Variants in PXN observed in about 807,000 individuals in gnomAD.
The protein encoded by PXN is testicular tissue protein Li 134.
A neutral mutation model predicts 103.6 loss-of-function variants in PXN; 61 were observed. The ratio of observed to expected loss-of-function variants is 0.59; its 90% CI spans 0.48 to 0.73. The LOEUF is 0.73. Ranked by LOEUF, PXN falls within the 30% of genes least tolerant of loss-of-function variation. The probability of loss-of-function intolerance (pLI) is 0.00; values close to 1 mark genes in which losing one functional copy is unlikely to be tolerated. For missense variants in PXN, 1,274 were observed against 1,460.3 expected, an observed-to-expected ratio of 0.87 and a Z score of 2.08; for synonymous variants, 562 against 607.8, an observed-to-expected ratio of 0.92 and a Z score of 1.11.
rs1264044622 is a variant in PXN at position 120,212,509 on chromosome 12, G to A, written c.3051C>T (p.Tyr1017=). 1 of 1,613,952 alleles carries A rather than the reference G, an allele frequency of 6.2e-7. No homozygotes were observed. The highest frequency in any genetic ancestry group is 1.1e-5 in the South Asian group (1 of 91,084). The change falls in exon 15 of 15, where the codon TAC becomes TAT. Residue 1017 remains tyrosine, a synonymous_variant. Transcript: ENST00000637617. The surrounding 1 kb of genome is among the most constrained non-coding windows in gnomAD (Gnocchi z 7.2). ...AACACAGCGAGCCGCGCCGCTCGTG[G>A]TAGTGCACCTCACAGTAGGGCTGCC... ...HDGQPYCEVH[Y]HERRGSLCSG...
At chr12:120,243,982 A>G (rs892616930) in intron 1 of PXN, among the ~76,000 whole-genome samples, 19 of 151,906 alleles carry the variant, frequency 1.3e-4, no homozygotes, top group Non-Finnish European at 2.6e-4. Context: ...ATACCAAACA[A>G]ATCAACAAAT....
Position 120,215,066 on chromosome 12 carries a change from T to C in PXN, c.2574+37A>G, listed in dbSNP as rs778437858. 3.8e-6 allele frequency: 6 copies of C among 1,597,628 alleles called. No homozygotes were observed. The highest frequency in any genetic ancestry group is 5.1e-6 in the Non-Finnish European group (6 of 1,171,452). Reference sequence around the variant, plus strand: ...CGGAGCACCCCCACCCCTGCAGGAGTCCACTGGCCACACCCCTGCCCACTC... The same window carrying C: ...CGGAGCACCCCCACCCCTGCAGGAGCCCACTGGCCACACCCCTGCCCACTC... On this transcript the variant is annotated intron_variant, in intron 11 of 14. Transcript: ENST00000637617. The surrounding 1 kb of genome is among the most constrained non-coding windows in gnomAD (Gnocchi z 4.9).
At chr12:120,226,049 T>G (rs1886784045) in intron 1 of PXN, 1 of 1,083,330 alleles carries the variant, frequency 9.2e-7, no homozygotes, top group Non-Finnish European at 1.1e-6. Context: ...CCTGGCTTCC[T>G]GTCTCTAGCA....
chr12:120,242,278 T>C (rs1180906156), intron 1 of PXN, among the ~76,000 whole-genome samples: 1 of 152,230 alleles, frequency 6.6e-6, no homozygotes, highest in East Asian at 1.9e-4. Context: ...CAGCCTGCTC[T>C]GGGAATTCTC....
Position 120,219,375 on chromosome 12 carries a change from C to T in PXN, c.1548G>A (p.Met516Ile). Residue 516 changes from methionine to isoleucine, a missense_variant, in exon 7 of 15, where the codon ATG becomes ATA. Physicochemically the swap from Met to Ile is conservative, Grantham distance 10 (BLOSUM62 1). This residue lies in a region of PXN where 1,178 missense variants were observed against 1,309.0 expected (regional missense o/e 0.90). Coordinates refer to ENST00000637617, the MANE Select transcript of PXN (RefSeq NM_001385981.1). The surrounding 1 kb of genome is among the most constrained non-coding windows in gnomAD (Gnocchi z 6.5). The part of the protein sequence containing the change: ...SVTTEQLGAK[M>I]TERGSVARPT... ...GCCTGGCCACACTTCCCCTCTCGGT[C>T]ATCTTTGCACCTAGCTGCTCCGTGG... 1 of 1,598,434 alleles carries T rather than the reference C, an allele frequency of 6.3e-7. No homozygotes were observed. Among genetic ancestry groups the T allele is most frequent in the Non-Finnish European group, 8.5e-7 (1 of 1,179,808 alleles).
At chr12:120,243,907 C>T (rs755230289) in intron 1 of PXN, among the ~76,000 whole-genome samples, 1 of 151,982 alleles carries the variant, frequency 6.6e-6, no homozygotes, top group Non-Finnish European at 1.5e-5. Flanking sequence ...GTAGGGAGTA[C>T]GCCTATATTC....
intron 1 of PXN, among the ~76,000 whole-genome samples, chr12:120,257,401 C>T (rs576400991): frequency 5.1e-4 from 78 of 152,312 alleles, no homozygotes; most frequent in African/African-American, 1.8e-3. Context: ...AAGCTCTGAG[C>T]CCTCGCTAGA....
rs1889904233 is a variant in PXN at position 120,240,193 on chromosome 12, A to C, written c.14-15816T>G. Among the ~76,000 whole-genome samples the C allele has an allele frequency of 3.3e-5, 5 of 152,184 alleles. No individual in the cohort carries two copies. In the South Asian group the frequency reaches 1.0e-3, roughly 32 times the overall value. On this transcript the variant is annotated intron_variant, in intron 1 of 14. Coordinates refer to ENST00000637617, the MANE Select transcript of PXN (RefSeq NM_001385981.1). ...CATTTAGAGGAACAAATAAGATAAC[A>C]ATCATAAAGCAGTCCTGGTACATCA...
Position 120,224,543 on chromosome 12 carries a change from C to G in PXN, c.14-166G>C. The G allele has an allele frequency of 1.4e-6, 1 of 726,254 alleles. No homozygotes were observed. The highest frequency in any genetic ancestry group is 2.5e-6 in the Non-Finnish European group (1 of 399,790). 45.0% of individuals were successfully genotyped at this position (726,254 alleles called of 1,614,324 possible). A position where few individuals can be genotyped will look rare whatever the true frequency, so the allele number is the denominator to read the frequency against. On this transcript the variant is annotated intron_variant, in intron 1 of 14. Transcript: ENST00000637617. The surrounding 1 kb of genome is among the most constrained non-coding windows in gnomAD (Gnocchi z 5.0). ...ACAGGAAGCCACCAGCCCCGACCAG[C>G]CTAACCAAGAGCCGGCTCCCAAAGC...
At chr12:120,256,702 A>C (rs1033034280) in intron 1 of PXN, among the ~76,000 whole-genome samples, 1 of 152,012 alleles carries the variant, frequency 6.6e-6, no homozygotes, top group Non-Finnish European at 1.5e-5. Flanking sequence ...GCCTGCTTTC[A>C]ATAGGGTTTT....
In PXN at chr12:120,216,758, G is replaced by A. The variant is rs200724781; in HGVS notation, c.1992+83C>T. The stretch of plus-strand genomic sequence containing the variant: ...CACCCTCTCCCCAGATCTCCCCTCC[G>A]GCCAGCACTGGGGCCAGGGAAGAAC... On this transcript the variant is annotated intron_variant, in intron 8 of 14. Coordinates refer to ENST00000637617, the MANE Select transcript of PXN (RefSeq NM_001385981.1). The surrounding 1 kb of genome is among the most constrained non-coding windows in gnomAD (Gnocchi z 5.1). The A allele has an allele frequency of 7.0e-4, 1,110 of 1,593,404 alleles. 2 individuals are homozygous for A. Among genetic ancestry groups the A allele is most frequent in the Non-Finnish European group, 8.1e-4 (952 of 1,178,160 alleles).
intron 1 of PXN, among the ~76,000 whole-genome samples, chr12:120,235,661 C>T (rs1363218723): frequency 6.6e-6 from 1 of 152,182 alleles, no homozygotes; most frequent in Non-Finnish European, 1.5e-5. Context: ...CTCCTGTTCT[C>T]TTTTCTTTCT....
chr12:120,262,596 C>T (rs1388821560), intron 1 of PXN, among the ~76,000 whole-genome samples: 4 of 152,070 alleles, frequency 2.6e-5, no homozygotes, highest in Middle Eastern at 3.2e-3. Context: ...TGATACAGCT[C>T]GTAAAGTGCT....
chr12:120,222,697 C>A lies in PXN; in HGVS notation c.547G>T (p.Val183Phe). ...LPGALSPLYGVPETNSPLGGK... is the reference protein window; with the variant it reads ...LPGALSPLYGFPETNSPLGGK... ...CCCAAGGGGCTGTTAGTCTCTGGGA[C>A]ACCATAGAGGGGGCTCAGGGCCCCA... Residue 183 changes from valine to phenylalanine, a missense_variant, in exon 5 of 15, where the codon GTC becomes TTC. This residue lies in a region of PXN where 1,178 missense variants were observed against 1,309.0 expected (regional missense o/e 0.90). Transcript: ENST00000637617. This position sits in a 1 kb window ranked among gnomAD's most constrained non-coding sequence, Gnocchi z 4.7. 6.2e-7 allele frequency: 1 copy of A among 1,610,042 alleles called. No individual in the cohort carries two copies.
At position 120,217,061 on chromosome 12, in the gene PXN, C is replaced by A; in HGVS notation, c.1772G>T (p.Arg591Leu). 1 of 1,591,506 alleles carries A rather than the reference C, an allele frequency of 6.3e-7. No individual in the cohort carries two copies. Among genetic ancestry groups the A allele is most frequent in the South Asian group, 1.1e-5 (1 of 89,430 alleles). ...WESGHAHPMS[R>L]EPSPRRRLDP... ...CAGCCGGCGGCGAGGGGAGGGCTCCCGGGACATGGGGTGTGCGTGGCCAGA... is the reference window on the plus strand; with the variant it reads ...CAGCCGGCGGCGAGGGGAGGGCTCCAGGGACATGGGGTGTGCGTGGCCAGA... Residue 591 changes from arginine to leucine, a missense_variant, in exon 8 of 15, where the codon CGG (arginine) becomes CTG (leucine). By Grantham distance (102) the Arg-to-Leu change is moderately radical (BLOSUM62 -2). Transcript: ENST00000637617. The surrounding 1 kb of genome is among the most constrained non-coding windows in gnomAD (Gnocchi z 4.1).
chr12:120,251,559 T>C (rs1413319570), intron 1 of PXN, among the ~76,000 whole-genome samples: 1 of 151,998 alleles, frequency 6.6e-6, no homozygotes, highest in East Asian at 1.9e-4. Flanking sequence ...GGCTCACTCC[T>C]GTAATCCCAG....
chr12:120,241,137 A>G (rs1477283981), intron 1 of PXN, among the ~76,000 whole-genome samples: 1 of 152,154 alleles, frequency 6.6e-6, no homozygotes, highest in East Asian at 1.9e-4. Context: ...TCATGGCCCA[A>G]AGGGGTTGGG....
chr12:120,216,885 C>T lies in PXN; in HGVS notation c.1948G>A (p.Val650Met). ...DWLTEGVIIT[V>M]QPRGKRAGGQ... is the part of the protein sequence containing the mutation. ...CCGGCCCGCTTCCCACGTGGCTGCA[C>T]AGTGATGATGACGCCCTCGGTCAGC... The change falls in exon 8 of 15, where the codon GTG (valine) becomes ATG (methionine). Residue 650 changes from valine (V) to methionine (M), a missense_variant. By Grantham distance (21) the Val-to-Met change is conservative. This residue lies in a region of PXN where 1,178 missense variants were observed against 1,309.0 expected (regional missense o/e 0.90). Transcript: ENST00000637617. This position sits in a 1 kb window ranked among gnomAD's most constrained non-coding sequence, Gnocchi z 5.1. The T allele has an allele frequency of 1.3e-6, 2 of 1,518,036 alleles. No homozygotes were observed. Among genetic ancestry groups the T allele is most frequent in the Admixed American group, 2.1e-5 (1 of 46,616 alleles). The allele number at this position is 1,518,036 out of a possible 1,614,324, so 94.0% of individuals were successfully genotyped here. A position where few individuals can be genotyped will look rare whatever the true frequency, so the allele number is the denominator to read the frequency against.
intron 1 of PXN, among the ~76,000 whole-genome samples, chr12:120,234,000 G>A (rs1397475364): frequency 6.6e-6 from 1 of 152,180 alleles, no homozygotes; most frequent in Non-Finnish European, 1.5e-5. Flanking sequence ...AACACTCTGA[G>A]GATCAAATGT....
Sources: allele counts gnomAD v4.1 joint callset (sites outside exome capture counted in the v4.1 genomes callset), GRCh38; gene constraint gnomAD v4.1.1; regional missense constraint gnomAD v4.1.1; non-coding constraint Gnocchi (gnomAD v3.1); transcripts MANE v1.5; gene names NCBI Gene and HGNC (gene_info 2026-07-23, HGNC 2026-07-21).